PHACTR4: variants seen among roughly 807,000 people sequenced by gnomAD.
PHACTR4 encodes the protein phosphatase and actin regulator 4.
In PHACTR4, 51 loss-of-function variants were observed where a neutral mutation model predicts 72.7. That is an observed-to-expected ratio of 0.70 (90% CI 0.56 to 0.89). The LOEUF (loss-of-function observed/expected upper bound fraction) is 0.89, where lower values mean the gene tolerates loss of function less well. Ranked by LOEUF, PHACTR4 falls within the 40% of genes least tolerant of loss-of-function variation. The pLI is 0.00. For synonymous variants in PHACTR4, 255 were observed against 302.5 expected, an observed-to-expected ratio of 0.84 and a Z score of 1.63; for missense variants, 731 against 861.8, an observed-to-expected ratio of 0.85 and a Z score of 1.90.
At chr1:28,430,627 G>A (rs1449454310) in intron 2 of PHACTR4, among the ~76,000 whole-genome samples, 2 of 152,138 alleles carry the variant, frequency 1.3e-5, no homozygotes, top group Non-Finnish European at 2.9e-5. Context: ...ATATGTATTT[G>A]TGTGATTTGC....
At chr1:28,478,683 T>C (rs1337774143) in intron 8 of PHACTR4, among the ~76,000 whole-genome samples, 1 of 152,132 alleles carries the variant, frequency 6.6e-6, no homozygotes, top group Non-Finnish European at 1.5e-5. Flanking sequence ...CTTGATCTCT[T>C]GACCTCATGA....
At chr1:28,476,385 G>T (rs1659920965) in intron 8 of PHACTR4, 94 bp downstream of exon 8, 1 of 1,289,264 alleles carries the variant, frequency 7.8e-7, no homozygotes, top group Non-Finnish European at 1.0e-6. Context: ...ATGGAAACAG[G>T]TACCTTCTCC....
chr1:28,491,469 C>A (rs1202196583), intron 11 of PHACTR4, among the ~76,000 whole-genome samples, 181 bp from the exon 12 acceptor site: 7 of 150,360 alleles, frequency 4.7e-5, no homozygotes, highest in East Asian at 2.0e-4. Flanking sequence ...AAAAAAAAAA[C>A]AAAACAAAAA....
intron 1 of PHACTR4, among the ~76,000 whole-genome samples, chr1:28,405,783 C>G (rs1459734819): frequency 6.6e-6 from 1 of 151,696 alleles, no homozygotes; most frequent in Non-Finnish European, 1.5e-5. Flanking sequence ...CCCAGCTACT[C>G]AGGAGGCTGA....
chr1:28,374,249 A>G (rs1307967056), intron 1 of PHACTR4, among the ~76,000 whole-genome samples: 1 of 152,242 alleles, frequency 6.6e-6, no homozygotes, highest in Non-Finnish European at 1.5e-5. Context: ...ATGTTGGAGA[A>G]CATAAATACA....
intron 9 of PHACTR4, among the ~76,000 whole-genome samples, chr1:28,481,788 TA>T (rs879306959): frequency 3.4e-3 from 404 of 118,298 alleles, no homozygotes; most frequent in Admixed American, 3.4e-3. Flanking sequence ...AGACTCCATC[TA>T]AAAAAAAAAA....
chr1:28,419,050 T>TTTTTTTTTTTTTTTTTTTTTGAGACGG (rs1210043704), intron 2 of PHACTR4, among the ~76,000 whole-genome samples: 14 of 147,224 alleles, frequency 9.5e-5, no homozygotes, highest in African/African-American at 2.6e-4. Flanking sequence ...GATTTTTTTC[T>TTTTTTTTTTTTTTTTTTTTTGAGACGG]AGGGAAGTTT....
At chr1:28,402,626 G>A (rs1226913140) in intron 1 of PHACTR4, among the ~76,000 whole-genome samples, 2 of 152,054 alleles carry the variant, frequency 1.3e-5, no homozygotes. Flanking sequence ...ACCTAATTTG[G>A]TGCTTACTAG....
chr1:28,458,815 G>T (rs951976926), intron 2 of PHACTR4, among the ~76,000 whole-genome samples: 1 of 152,146 alleles, frequency 6.6e-6, no homozygotes, highest in Non-Finnish European at 1.5e-5. Context: ...GCCTTTAAAA[G>T]ATTTTGAGCC....
intron 2 of PHACTR4, among the ~76,000 whole-genome samples, chr1:28,420,771 A>G (rs938007554): frequency 1.3e-5 from 2 of 152,232 alleles, no homozygotes; most frequent in African/African-American, 4.8e-5. Flanking sequence ...GCTGTAGATA[A>G]ATAAATAGAT....
chr1:28,441,330 C>G (rs144891423), intron 2 of PHACTR4, among the ~76,000 whole-genome samples: 1 of 151,848 alleles, frequency 6.6e-6, no homozygotes, highest in African/African-American at 2.4e-5. Context: ...CCTCCCACCT[C>G]GGGCTCCCAA....
intron 1 of PHACTR4, among the ~76,000 whole-genome samples, chr1:28,399,750 T>C (rs1187381485): frequency 1.3e-5 from 2 of 152,128 alleles, no homozygotes; most frequent in South Asian, 2.1e-4. Flanking sequence ...ACAGATAGTA[T>C]ACCATCAGAT....
intron 1 of PHACTR4, among the ~76,000 whole-genome samples, chr1:28,394,393 C>A (rs890985841): frequency 1.3e-5 from 2 of 151,892 alleles, no homozygotes; most frequent in Non-Finnish European, 1.5e-5. Flanking sequence ...AAAAGAAATC[C>A]TCCTGACTTA....
At chr1:28,492,528 G>T (rs1009822508) in intron 12 of PHACTR4, among the ~76,000 whole-genome samples, 1 of 151,052 alleles carries the variant, frequency 6.6e-6, no homozygotes, top group Admixed American at 6.6e-5. Context: ...TTGGGAGGCC[G>T]AAGCAGGTAG....
intron 1 of PHACTR4, among the ~76,000 whole-genome samples, chr1:28,371,100 AG>A (rs1458987401): frequency 6.6e-6 from 1 of 152,146 alleles, no homozygotes; most frequent in Non-Finnish European, 1.5e-5. Context: ...AATCAGCTTA[AG>A]GTAAAATTTG....
chr1:28,389,197 T>G (rs552173157), intron 1 of PHACTR4, among the ~76,000 whole-genome samples: 1 of 152,030 alleles, frequency 6.6e-6, no homozygotes, highest in Non-Finnish European at 1.5e-5. Flanking sequence ...AAGATCTGAA[T>G]AGACATTTCT....
intron 1 of PHACTR4, among the ~76,000 whole-genome samples, chr1:28,378,798 T>TA (rs1651909676): frequency 1.3e-5 from 2 of 151,852 alleles, no homozygotes; most frequent in East Asian, 3.9e-4. Context: ...CATGAAACAG[T>TA]AAACTTTGAA....
chr1:28,414,715 C>T (rs1557798358), intron 2 of PHACTR4, among the ~76,000 whole-genome samples: 1 of 152,066 alleles, frequency 6.6e-6, no homozygotes, highest in Non-Finnish European at 1.5e-5. Flanking sequence ...CCATCAGTTG[C>T]CTTTTGCGAC....
chr1:28,449,652 G>A (rs990065006), intron 2 of PHACTR4, among the ~76,000 whole-genome samples: 1 of 152,066 alleles, frequency 6.6e-6, no homozygotes, highest in African/African-American at 2.4e-5. Flanking sequence ...AGGAGTTTGA[G>A]ACCAGCCTGG....
Sources: allele counts gnomAD v4.1 joint callset (sites outside exome capture counted in the v4.1 genomes callset), GRCh38; gene constraint gnomAD v4.1.1; transcripts MANE v1.5; gene names NCBI Gene and HGNC (gene_info 2026-07-23, HGNC 2026-07-21).